NHS: variants seen among roughly 807,000 people sequenced by gnomAD.
NHS encodes the protein actin remodeling regulator NHS.
A neutral mutation model predicts 72.5 loss-of-function variants in NHS; 5 were observed. The ratio of observed to expected loss-of-function variants is 0.07; its 90% CI spans 0.04 to 0.14. The LOEUF is 0.14. NHS is among the 10% of genes least tolerant of loss of function. The pLI, the probability that NHS is intolerant of heterozygous loss-of-function variation, is 1.00. For missense variants in NHS, 1,072 were observed against 1,355.7 expected, an observed-to-expected ratio of 0.79 and a Z score of 3.29; for synonymous variants, 464 against 547.7, an observed-to-expected ratio of 0.85 and a Z score of 2.13.
At chrX:17,689,259 A>G (rs2066181978) in intron 2 of NHS, among the ~76,000 whole-genome samples, 1 of 110,929 alleles carries the variant, frequency 9.0e-6, no homozygotes, top group African/African-American at 3.3e-5. Context: ...CTAACCTCCT[A>G]ATATCCCTAA....
intron 1 of NHS, among the ~76,000 whole-genome samples, chrX:17,607,213 A>G (rs1376140429): frequency 9.0e-6 from 1 of 111,664 alleles, no homozygotes; most frequent in East Asian, 2.8e-4. Context: ...GCAGTTTCCC[A>G]CTGGTCAAGC....
intron 1 of NHS, among the ~76,000 whole-genome samples, chrX:17,620,253 T>G (rs2065766525): frequency 8.9e-6 from 1 of 111,977 alleles, no homozygotes; most frequent in Admixed American, 9.5e-5. Flanking sequence ...CAGAATCTAT[T>G]TTCAGGTTTT....
At chrX:17,419,049 G>A (rs763628186) in intron 1 of NHS, among the ~76,000 whole-genome samples, 3 of 112,375 alleles carry the variant, frequency 2.7e-5, no homozygotes, top group Admixed American at 9.4e-5. Context: ...TATTCTTGTC[G>A]CAGTTTTATC....
intron 1 of NHS, among the ~76,000 whole-genome samples, chrX:17,583,968 C>G (rs1244874387): frequency 1.8e-5 from 2 of 111,990 alleles, no homozygotes; most frequent in Admixed American, 1.9e-4. Context: ...TTCTTCCTCT[C>G]TCTCTGTCTC....
chrX:17,587,775 C>T (rs2065583045), intron 1 of NHS, among the ~76,000 whole-genome samples: 1 of 111,964 alleles, frequency 8.9e-6, no homozygotes, highest in South Asian at 3.7e-4. Context: ...ATAGCATAAT[C>T]TTTTACCAAA....
At chrX:17,583,425 A>T (rs185358556) in intron 1 of NHS, among the ~76,000 whole-genome samples, 224 of 112,347 alleles carry the variant, frequency 2.0e-3, no homozygotes, top group Middle Eastern at 9.4e-3. Context: ...TGTTTACACA[A>T]ATCAATCCTC....
intron 1 of NHS, among the ~76,000 whole-genome samples, chrX:17,471,324 A>G (rs1483314411): frequency 8.9e-6 from 1 of 112,491 alleles, no homozygotes; most frequent in Admixed American, 9.4e-5. Context: ...AACCACAGCT[A>G]TGATGAGGCT....
At chrX:17,509,490 G>A (rs1372136439) in intron 1 of NHS, among the ~76,000 whole-genome samples, 1 of 112,465 alleles carries the variant, frequency 8.9e-6, no homozygotes, top group African/African-American at 3.2e-5. Flanking sequence ...GTCCCCCAAA[G>A]TGCTGGGATT....
chrX:17,523,606 A>G (rs920696066), intron 1 of NHS, among the ~76,000 whole-genome samples: 18 of 111,855 alleles, frequency 1.6e-4, no homozygotes, highest in Middle Eastern at 4.6e-3. Flanking sequence ...GCTGACCTCA[A>G]TGGATCTCTA....
At chrX:17,717,792 T>G (rs1452862428) in intron 3 of NHS, among the ~76,000 whole-genome samples, 1 of 112,086 alleles carries the variant, frequency 8.9e-6, no homozygotes, top group Non-Finnish European at 1.9e-5. Flanking sequence ...AAATGTGGTC[T>G]ATGAATAGGA....
rs756534713 is a variant in NHS at position 17,731,892 on chromosome X, G to A, written c.4384G>A (p.Gly1462Arg). Reference protein sequence around the residue: ...KRKVLGRKDSGDMSVRSKSRA... With the variant: ...KRKVLGRKDSRDMSVRSKSRA... ...GAAAGTACTTGGAAGAAAAGATTCCGGGGACATGTCTGTTCGAAGCAAATC... is the reference window on the plus strand; with the variant it reads ...GAAAGTACTTGGAAGAAAAGATTCCAGGGACATGTCTGTTCGAAGCAAATC... Residue 1462 changes from glycine (G) to arginine (R), a missense_variant, in exon 9 of 9, where the codon GGG becomes AGG. By Grantham distance (125) the Gly-to-Arg change is moderately radical. Coordinates refer to ENST00000676302, the MANE Select transcript of NHS (RefSeq NM_001291867.2). 1.5e-5 allele frequency: 18 copies of A among 1,200,692 alleles called. No individual in the cohort carries two copies. In the South Asian group the frequency reaches 2.0e-4, roughly 13 times the overall value.
chrX:17,522,365 A>G (rs1398365033), intron 1 of NHS, among the ~76,000 whole-genome samples: 1 of 111,550 alleles, frequency 9.0e-6, no homozygotes, highest in African/African-American at 3.3e-5. Context: ...GGCTTTTTCC[A>G]GATGGTTTGG....
chrX:17,443,343 G>A (rs969234949), intron 1 of NHS, among the ~76,000 whole-genome samples: 6 of 111,762 alleles, frequency 5.4e-5, no homozygotes, highest in Admixed American at 9.5e-5. Context: ...TTCTTTGAGC[G>A]TGTAAACATG....
chrX:17,425,548 A>G (rs867494000), intron 1 of NHS, among the ~76,000 whole-genome samples: 28 of 54,469 alleles, frequency 5.1e-4, no homozygotes, highest in South Asian at 1.5e-3. Context: ...AAAAAAAAAA[A>G]AAAAAAAAAA....
At position 17,388,974 on chromosome X, in the gene NHS, C is replaced by T. The variant is rs868780188; in HGVS notation, c.565+12652C>T. ...CAGAAGGGTACAACATTGAAAAGAA[C>T]AAGAAAGCCCTCCTCTCCGCTCTCA... On this transcript the variant is annotated intron_variant, in intron 1 of 8. Coordinates refer to ENST00000676302, the MANE Select transcript of NHS (RefSeq NM_001291867.2). 9.0e-5 allele frequency among the ~76,000 whole-genome samples: 10 copies of T among 110,616 alleles called. No individual in the cohort carries two copies. The South Asian group carries it at 1.2e-3, about 13-fold the overall frequency.
At chrX:17,447,755 CCA>C (rs745355880) in intron 1 of NHS, among the ~76,000 whole-genome samples, 33 of 93,539 alleles carry the variant, frequency 3.5e-4, no homozygotes, top group African/African-American at 4.1e-4. Flanking sequence ...TGGACTTTGG[CCA>C]CACACACACA....
intron 1 of NHS, among the ~76,000 whole-genome samples, chrX:17,555,319 C>T (rs1197916308): frequency 9.3e-6 from 1 of 107,766 alleles, no homozygotes; most frequent in East Asian, 2.9e-4. Flanking sequence ...ATGATTTGAG[C>T]TCCAAGGCTG....
In NHS at chrX:17,660,995, A is replaced by G. The variant is rs183056736; in HGVS notation, c.566-26747A>G. Among the ~76,000 whole-genome samples the G allele has an allele frequency of 6.5e-3, 723 of 111,994 alleles. 5 individuals are homozygous for G. The highest frequency in any genetic ancestry group is 0.023 in the African/African-American group (704 of 30,830). On this transcript the variant is annotated intron_variant, in intron 1 of 8. Coordinates refer to ENST00000676302, the MANE Select transcript of NHS (RefSeq NM_001291867.2). ...TTTGCTCCAATGGAGCAAGACTATT[A>G]TATTAATAGATGCTTGATTCTTTCT... is the stretch of plus-strand genomic sequence containing the variant.
intron 1 of NHS, among the ~76,000 whole-genome samples, chrX:17,425,361 C>T (rs1228389693): frequency 1.8e-5 from 2 of 108,933 alleles, no homozygotes; most frequent in East Asian, 2.9e-4. Flanking sequence ...GCTGTCAGAA[C>T]GATGTGGAGG....
Sources: gnomAD v4.1 joint callset for allele counts (sites outside exome capture counted in the v4.1 genomes callset) on GRCh38, gnomAD v4.1.1 for gene constraint, MANE v1.5 for transcripts, NCBI Gene and HGNC (gene_info 2026-07-23, HGNC 2026-07-21) for gene names.